The following CCDC198 variants were observed in gnomAD, a reference collection of about 807,000 sequenced individuals.
CCDC198 encodes factor associated with metabolism and energy.
In CCDC198, 18 loss-of-function variants were observed where a neutral mutation model predicts 35.6. That is an observed-to-expected ratio of 0.51 (90% CI 0.35 to 0.75). CCDC198 has a LOEUF of 0.75. Ranked by LOEUF, CCDC198 falls within the 30% of genes least tolerant of loss-of-function variation. CCDC198 has a pLI of 0.01. For missense variants in CCDC198, 365 were observed against 343.7 expected (o/e 1.06, Z -0.49); for synonymous variants, 119 against 113.4 (o/e 1.05, Z -0.31).
intron 5 of CCDC198, among the ~76,000 whole-genome samples, chr14:57,477,038 C>T (rs1566575298): frequency 6.6e-6 from 1 of 152,202 alleles, no homozygotes; most frequent in Non-Finnish European, 1.5e-5. Context: ...TGGCTGTGAC[C>T]TTGCATATGT....
chr14:57,473,718 T>TA (rs2066887849), intron 5 of CCDC198, among the ~76,000 whole-genome samples: 1 of 152,162 alleles, frequency 6.6e-6, no homozygotes, highest in Non-Finnish European at 1.5e-5. Context: ...GAGTGACATT[T>TA]AAAAATATGA....
At chr14:57,477,707 GT>G (rs1484469965) in intron 5 of CCDC198, among the ~76,000 whole-genome samples, 1 of 152,066 alleles carries the variant, frequency 6.6e-6, no homozygotes, top group Non-Finnish European at 1.5e-5. Flanking sequence ...TGTTTCTTTT[GT>G]TTGTTTTGAG....
Position 57,478,669 on chromosome 14 carries a change from G to A in CCDC198, c.655+1926C>T, listed in dbSNP as rs925525745. ...GTGAGGTTTTTTTCTTGGTTGTTTT[G>A]TGTATATTTTTTAAGGTACGGTTTA... is the stretch of plus-strand genomic sequence containing the variant. On this transcript the variant is annotated intron_variant, in intron 5 of 5. Transcript: ENST00000216445. 13 of 996,992 alleles carry A rather than the reference G, an allele frequency of 1.3e-5. No homozygotes were observed. In the African/African-American group the frequency reaches 1.6e-4, roughly 12 times the overall value. 61.8% of individuals were successfully genotyped at this position (996,992 alleles called of 1,614,324 possible).
At chr14:57,477,822 C>T (rs941797931) in intron 5 of CCDC198, among the ~76,000 whole-genome samples, 6 of 152,064 alleles carry the variant, frequency 3.9e-5, no homozygotes, top group South Asian at 2.1e-4. Context: ...CTCAGCCTCC[C>T]GAGTAGCTGG....
At position 57,469,308 on chromosome 14, in the gene CCDC198, T is replaced by C. The variant is rs1434683210; in HGVS notation, c.*2047A>G. 5 of 152,232 alleles carry C rather than the reference T, an allele frequency of 3.3e-5. No individual in the cohort carries two copies. The highest frequency in any genetic ancestry group is 1.2e-4 in the African/African-American group (5 of 41,456). The allele number at this position is 152,232 out of a possible 1,614,324, so 9.4% of individuals were successfully genotyped here. A position where few individuals can be genotyped will look rare whatever the true frequency, so the allele number is the denominator to read the frequency against. On this transcript the variant is annotated 3_prime_UTR_variant, in exon 6 of 6. Transcript: ENST00000216445. ...CTAGTCAACTCAACACATTCATTAA[T>C]TCAGCAAACATTTAATGATAAACTC...
chr14:57,491,106 T>C (rs746516531), intron 1 of CCDC198, 35 bp from the exon 2 acceptor site: 1 of 1,593,088 alleles, frequency 6.3e-7, no homozygotes, highest in East Asian at 2.2e-5. Flanking sequence ...GAATAAAACA[T>C]TAAATATAAT....
intron 5 of CCDC198, 37 bp from the exon 6 acceptor site, chr14:57,471,627 A>G: frequency 8.1e-7 from 1 of 1,235,730 alleles, no homozygotes. Flanking sequence ...TTTTTCCCTT[A>G]GCAATGATTT....
chr14:57,471,925 C>T (rs543906207), intron 5 of CCDC198, among the ~76,000 whole-genome samples: 1 of 151,900 alleles, frequency 6.6e-6, no homozygotes, highest in African/African-American at 2.4e-5. Context: ...GCATACTTTT[C>T]AGCTGAACCA....
intron 5 of CCDC198, chr14:57,475,438 A>C (rs1428064450): frequency 8.1e-7 from 1 of 1,230,078 alleles, no homozygotes; most frequent in African/African-American, 1.6e-5. Context: ...TGTTTTCACT[A>C]TAAGACATCA....
intron 5 of CCDC198, chr14:57,475,785 CTTCT>C: frequency 4.8e-5 from 8 of 165,720 alleles, no homozygotes; most frequent in South Asian, 1.3e-4. Context: ...CGGCACTTAG[CTTCT>C]TTTTTTTTTT....
At chr14:57,480,193 G>A in intron 5 of CCDC198, 1 of 786,966 alleles carries the variant, frequency 1.3e-6, no homozygotes, top group Non-Finnish European at 1.5e-6. Flanking sequence ...GTGCAGTCAG[G>A]AAGATAAGTG....
intron 2 of CCDC198, among the ~76,000 whole-genome samples, chr14:57,487,667 G>T (rs1250945977): frequency 6.6e-6 from 1 of 152,168 alleles, no homozygotes; most frequent in Admixed American, 6.5e-5. Context: ...TTTATTTGAG[G>T]AGTAGATGTT....
intron 5 of CCDC198, among the ~76,000 whole-genome samples, chr14:57,477,083 T>C (rs2067023735): frequency 6.6e-6 from 1 of 152,226 alleles, no homozygotes; most frequent in Non-Finnish European, 1.5e-5. Context: ...TCTTCATCTG[T>C]AGAAGAGAGG....
chr14:57,484,137 C>T (rs995624463), intron 2 of CCDC198, among the ~76,000 whole-genome samples: 9 of 152,136 alleles, frequency 5.9e-5, no homozygotes, highest in Non-Finnish European at 1.2e-4. Flanking sequence ...TTGTGCCTCC[C>T]CACAAAATTC....
intron 2 of CCDC198, among the ~76,000 whole-genome samples, chr14:57,484,478 T>G (rs2067291626): frequency 1.3e-5 from 2 of 152,130 alleles, no homozygotes; most frequent in Non-Finnish European, 2.9e-5. Context: ...TATGGACACC[T>G]TGATCTCAGT....
chr14:57,475,756 A>G, intron 5 of CCDC198: 1 of 370,260 alleles, frequency 2.7e-6, no homozygotes, highest in South Asian at 1.8e-5. Flanking sequence ...AGTTTTGTCT[A>G]TATTCCCATA....
chr14:57,490,840 T>A, intron 2 of CCDC198, 149 bp downstream of exon 2: 1 of 733,426 alleles, frequency 1.4e-6, no homozygotes, highest in Non-Finnish European at 2.2e-6. Flanking sequence ...AGTAATAGAG[T>A]ATTTGCGATT....
chr14:57,483,642 T>C (rs747723602), intron 2 of CCDC198, among the ~76,000 whole-genome samples: 86 of 152,172 alleles, frequency 5.7e-4, no homozygotes, highest in Non-Finnish European at 1.0e-3. Context: ...GAAACTGCAG[T>C]GTGCTAACAC....
chr14:57,471,650 A>G (rs1787261444), intron 5 of CCDC198, 60 bp from the exon 6 acceptor site: 1 of 917,746 alleles, frequency 1.1e-6, no homozygotes, highest in Non-Finnish European at 1.6e-6. Flanking sequence ...TTGTTTATTA[A>G]GTGCCTAGCT....
Sources: allele counts gnomAD v4.1 joint callset (sites outside exome capture counted in the v4.1 genomes callset), GRCh38; gene constraint gnomAD v4.1.1; transcripts MANE v1.5; gene names NCBI Gene and HGNC (gene_info 2026-07-23, HGNC 2026-07-21).